The following DPP10 variants were observed in gnomAD, a reference collection of about 807,000 sequenced individuals.
The protein encoded by DPP10 is dipeptidyl peptidase like 10.
A neutral mutation model predicts 120.9 loss-of-function variants in DPP10; 33 were observed. That is an observed-to-expected ratio of 0.27 (90% CI 0.21 to 0.37). DPP10 has a LOEUF of 0.37. DPP10 is among the 10% of genes least tolerant of loss of function. The probability of loss-of-function intolerance (pLI) is 1.00; values close to 1 mark genes in which losing one functional copy is unlikely to be tolerated. For missense variants in DPP10, 816 were observed against 942.8 expected (o/e 0.87, Z 1.76); for synonymous variants, 337 against 326.1 (o/e 1.03, Z -0.36).
chr2:115,161,804 T>C, intron 1 of DPP10: 1 of 744,188 alleles, frequency 1.3e-6, no homozygotes, highest in Non-Finnish European at 1.9e-6. Flanking sequence ...GGTGCCGCTC[T>C]TCTTCCCCTC....
At chr2:114,580,230 G>A (rs1000012525) in intron 1 of DPP10, among the ~76,000 whole-genome samples, 4 of 152,230 alleles carry the variant, frequency 2.6e-5, no homozygotes, top group East Asian at 1.9e-4. Context: ...CCAGGCATTC[G>A]GTCCTGATAG....
intron 3 of DPP10, among the ~76,000 whole-genome samples, chr2:115,477,560 A>G (rs2075166330): frequency 6.6e-6 from 1 of 152,188 alleles, no homozygotes; most frequent in African/African-American, 2.4e-5. Context: ...AGTATTGTTA[A>G]GATGCCAATA....
intron 21 of DPP10, among the ~76,000 whole-genome samples, chr2:115,826,054 A>G (rs12105249): frequency 0.12 from 18,509 of 152,204 alleles, 1,300 homozygotes; most frequent in African/African-American, 0.18. Flanking sequence ...TTGTTGTCAG[A>G]ATTAAAGCAG....
intron 1 of DPP10, among the ~76,000 whole-genome samples, chr2:114,880,240 C>T (rs1391643274): frequency 6.6e-6 from 1 of 152,166 alleles, no homozygotes; most frequent in Non-Finnish European, 1.5e-5. Flanking sequence ...TTGCTTTGTG[C>T]TGTTTGCAAA....
chr2:115,066,557 A>G (rs950760719), intron 1 of DPP10: 1 of 152,144 alleles, frequency 6.6e-6, no homozygotes, highest in Non-Finnish European at 1.5e-5. Flanking sequence ...TTTGCCTTCA[A>G]TGTAAAGCAA....
intron 1 of DPP10, among the ~76,000 whole-genome samples, chr2:114,938,353 A>G (rs1431618526): frequency 1.3e-5 from 2 of 152,146 alleles, no homozygotes; most frequent in Middle Eastern, 3.2e-3. Flanking sequence ...ATTATAATTA[A>G]TGCCACCATA....
At chr2:115,519,700 A>C (rs945747357) in intron 4 of DPP10, among the ~76,000 whole-genome samples, 6 of 152,154 alleles carry the variant, frequency 3.9e-5, no homozygotes, top group African/African-American at 1.4e-4. Context: ...TGTCTTTTGC[A>C]TCATTCTAGG....
intron 5 of DPP10, among the ~76,000 whole-genome samples, chr2:115,673,054 G>GGCTTATATTTTAAAAAGTA (rs1188636364): frequency 6.6e-6 from 1 of 151,908 alleles, no homozygotes; most frequent in Non-Finnish European, 1.5e-5. Context: ...CGACTATCAT[G>GGCTTATATTTTAAAAAGTA]GCTTATATTT....
At chr2:115,784,021 T>G (rs1375088601) in intron 17 of DPP10, among the ~76,000 whole-genome samples, 6 of 152,202 alleles carry the variant, frequency 3.9e-5, no homozygotes, top group Non-Finnish European at 8.8e-5. Flanking sequence ...TAATTTAATT[T>G]TATCCTGTTG....
At chr2:115,739,569 C>A (rs1005082302) in intron 8 of DPP10, among the ~76,000 whole-genome samples, 170 bp from the exon 9 acceptor site, 1 of 151,956 alleles carries the variant, frequency 6.6e-6, no homozygotes, top group Non-Finnish European at 1.5e-5. Flanking sequence ...CTTGCTCTTC[C>A]TGGAATTAAA....
chr2:114,592,022 GCAGA>G (rs71919461), intron 1 of DPP10, among the ~76,000 whole-genome samples: 22,494 of 152,074 alleles, frequency 0.15, 2,018 homozygotes, highest in African/African-American at 0.26. Context: ...AGTGATGCAT[GCAGA>G]CAGTGTTGAG....
At chr2:114,988,168 T>G (rs533809799) in intron 1 of DPP10, among the ~76,000 whole-genome samples, 1 of 152,270 alleles carries the variant, frequency 6.6e-6, no homozygotes, top group Admixed American at 6.5e-5. Context: ...GGCGCAGTAC[T>G]CAAAAAGTAG....
intron 1 of DPP10, among the ~76,000 whole-genome samples, chr2:115,211,331 TAAAAC>T (rs1328888504): frequency 2.0e-5 from 3 of 151,454 alleles, no homozygotes; most frequent in African/African-American, 7.3e-5. Context: ...TAAACCAAAA[TAAAAC>T]AAAAGAATAG....
intron 1 of DPP10, among the ~76,000 whole-genome samples, chr2:114,950,349 C>T (rs2104636401): frequency 7.3e-6 from 1 of 136,228 alleles, no homozygotes; most frequent in East Asian, 2.1e-4. Flanking sequence ...GACTGGAGTG[C>T]AGTGGCGCGA....
intron 1 of DPP10, among the ~76,000 whole-genome samples, chr2:114,566,403 G>A (rs1406868257): frequency 6.6e-6 from 1 of 152,180 alleles, no homozygotes; most frequent in East Asian, 1.9e-4. Context: ...GTGCAAGAAA[G>A]TTGCAAAGAG....
intron 12 of DPP10, among the ~76,000 whole-genome samples, chr2:115,766,950 C>T (rs1422780919): frequency 6.6e-6 from 1 of 152,156 alleles, no homozygotes; most frequent in South Asian, 2.1e-4. Flanking sequence ...GCCCCAGCTC[C>T]AACACTGGGG....
At chr2:115,034,026 T>A (rs1704047292) in intron 1 of DPP10, among the ~76,000 whole-genome samples, 1 of 148,136 alleles carries the variant, frequency 6.8e-6, no homozygotes, top group African/African-American at 2.5e-5. Context: ...GCCTCCAGAA[T>A]AGCTGGGACT....
At chr2:115,002,887 A>G (rs943035352) in intron 1 of DPP10, among the ~76,000 whole-genome samples, 2 of 152,102 alleles carry the variant, frequency 1.3e-5, no homozygotes, top group African/African-American at 4.8e-5. Flanking sequence ...TTACAGAGGA[A>G]AGGGAATGCT....
At chr2:115,699,036 C>CAAAAAAAAAAAA (rs1191197397) in intron 7 of DPP10, among the ~76,000 whole-genome samples, 6 of 50,786 alleles carry the variant, frequency 1.2e-4, no homozygotes, top group African/African-American at 2.1e-4. Context: ...AAAAAAAAAA[C>CAAAAAAAAAAAA]AAAAAAAAAA....
Sources: gnomAD v4.1 joint callset for allele counts (sites outside exome capture counted in the v4.1 genomes callset) on GRCh38, gnomAD v4.1.1 for gene constraint, MANE v1.5 for transcripts, NCBI Gene and HGNC (gene_info 2026-07-23, HGNC 2026-07-21) for gene names.